Variants in SLC2A9 observed in about 807,000 individuals in gnomAD.
SLC2A9 encodes solute carrier family 2, facilitated glucose transporter member 9.
SLC2A9 carries 39 observed loss-of-function variants against 50.6 expected under a neutral mutation model. The observed-to-expected ratio is 0.77, with a 90% CI of 0.60 to 1.01. The LOEUF is 1.01. SLC2A9 is among the 50% of genes least tolerant of loss of function. SLC2A9 has a pLI of 0.00. For missense variants in SLC2A9, 686 were observed against 677.6 expected (o/e 1.01, Z -0.14); for synonymous variants, 324 against 276.9 (o/e 1.17, Z -1.69).
chr4:9,821,702 T>C (rs1724424033), downstream of SLC2A9, among the ~76,000 whole-genome samples: 1 of 151,718 alleles, frequency 6.6e-6, no homozygotes, highest in African/African-American at 2.4e-5. Context: ...GCAGTTTTAT[T>C]TTCTTGTACT....
intron 8 of SLC2A9, among the ~76,000 whole-genome samples, chr4:9,899,833 G>A (rs1739263964): frequency 6.6e-6 from 1 of 152,162 alleles, no homozygotes; most frequent in Non-Finnish European, 1.5e-5. Context: ...TGCCAACTGG[G>A]ATGGAAGGAA....
intron 6 of SLC2A9, among the ~76,000 whole-genome samples, chr4:9,925,042 T>C (rs1392632120): frequency 6.6e-6 from 1 of 152,194 alleles, no homozygotes; most frequent in African/African-American, 2.4e-5. Context: ...TCATCTGCCA[T>C]GCAGAGCCTC....
intron 5 of SLC2A9, among the ~76,000 whole-genome samples, chr4:9,973,447 C>T (rs1754244480): frequency 6.6e-6 from 1 of 151,982 alleles, no homozygotes. Context: ...TCTTTGAAAT[C>T]AGCATAACAC....
At chr4:10,032,731 A>G (rs1763974956) in intron 1 of SLC2A9, among the ~76,000 whole-genome samples, 1 of 152,094 alleles carries the variant, frequency 6.6e-6, no homozygotes, top group African/African-American at 2.4e-5. Flanking sequence ...AGCTACTGTC[A>G]TTACCCAGCC....
chr4:9,816,970 T>A (rs1723688058), intron 3 of SLC2A9, among the ~76,000 whole-genome samples: 1 of 152,176 alleles, frequency 6.6e-6, no homozygotes, highest in South Asian at 2.1e-4. Flanking sequence ...ATAATACATT[T>A]CTTTTCCTTT....
intron 2 of SLC2A9, among the ~76,000 whole-genome samples, chr4:9,998,280 A>G (rs1759101172): frequency 1.3e-5 from 2 of 152,190 alleles, no homozygotes; most frequent in South Asian, 4.1e-4. Context: ...CCAGTATATG[A>G]CACTGCAGAA....
At chr4:9,941,797 C>T in intron 6 of SLC2A9, 116 bp downstream of exon 6, 1 of 1,468,502 alleles carries the variant, frequency 6.8e-7, no homozygotes, top group Non-Finnish European at 9.3e-7. Context: ...CCAGTGCCTG[C>T]AAAAAGGAAC....
chr4:9,834,879 AC>A lies in SLC2A9; in HGVS notation c.1419+1del, dbSNP rs1560169255. 4 of 1,614,174 alleles carry A rather than the reference AC, an allele frequency of 2.5e-6. No homozygotes were observed. The highest frequency in any genetic ancestry group is 3.4e-6 in the Non-Finnish European group (4 of 1,180,026). On this transcript the variant is annotated splice_donor_variant, in intron 11 of 11. Transcript: ENST00000264784. LOFTEE classifies it high-confidence loss of function. ...GGGCAAAAGACTCCTTGTCAGTCAT[AC>A]CTGAATGAATGGGAAGAGGAGCCCA... is the stretch of plus-strand genomic sequence containing the variant.
At chr4:9,860,318 G>T (rs1281139313) in intron 10 of SLC2A9, among the ~76,000 whole-genome samples, 1 of 152,182 alleles carries the variant, frequency 6.6e-6, no homozygotes, top group African/African-American at 2.4e-5. Context: ...ACAGCCTCCT[G>T]CACACAGAAG....
intron 5 of SLC2A9, among the ~76,000 whole-genome samples, chr4:9,951,478 C>T (rs1284422321): frequency 3.3e-5 from 5 of 152,134 alleles, no homozygotes; most frequent in African/African-American, 1.2e-4. Flanking sequence ...AATATTCTGA[C>T]TCAATCACCA....
intron 1 of SLC2A9, among the ~76,000 whole-genome samples, chr4:9,773,425 G>T (rs868634195): frequency 6.6e-6 from 1 of 152,156 alleles, no homozygotes; most frequent in African/African-American, 2.4e-5. Context: ...AAACCCCACC[G>T]ATTTTCTTAT....
chr4:9,837,088 G>A (rs187132080), intron 10 of SLC2A9, among the ~76,000 whole-genome samples: 12 of 151,914 alleles, frequency 7.9e-5, no homozygotes, highest in East Asian at 3.9e-4. Context: ...GGAATGGAGC[G>A]TCCCCTCACC....
intron 10 of SLC2A9, among the ~76,000 whole-genome samples, chr4:9,875,544 C>T (rs1414705853): frequency 2.0e-5 from 3 of 152,340 alleles, no homozygotes; most frequent in East Asian, 3.9e-4. Flanking sequence ...CCCAGACACA[C>T]ATCTCCTCTG....
chr4:10,031,143 G>A (rs899013475), intron 1 of SLC2A9, among the ~76,000 whole-genome samples: 3 of 152,228 alleles, frequency 2.0e-5, no homozygotes, highest in African/African-American at 7.2e-5. Context: ...GGAATGCTCA[G>A]ATGAGCACGT....
intron 6 of SLC2A9, 28 bp downstream of exon 6, chr4:9,941,885 G>A (rs750414474): frequency 1.2e-6 from 2 of 1,613,616 alleles, no homozygotes; most frequent in Non-Finnish European, 8.5e-7. Context: ...AGGGGCTGGA[G>A]CTGTGCAGGA....
At chr4:9,814,974 T>A (rs1248212764) in intron 3 of SLC2A9, among the ~76,000 whole-genome samples, 1 of 151,412 alleles carries the variant, frequency 6.6e-6, no homozygotes, top group African/African-American at 2.4e-5. Context: ...CAGATCAGAG[T>A]CATCACTCTG....
intron 4 of SLC2A9, among the ~76,000 whole-genome samples, chr4:9,985,423 C>A (rs966961679): frequency 1.3e-5 from 2 of 152,166 alleles, no homozygotes; most frequent in Non-Finnish European, 2.9e-5. Context: ...TGAAGACCAT[C>A]CAGGTCTTTG....
At chr4:9,971,235 A>C (rs553090427) in intron 5 of SLC2A9, among the ~76,000 whole-genome samples, 1 of 152,254 alleles carries the variant, frequency 6.6e-6, no homozygotes, top group Admixed American at 6.5e-5. Context: ...TAATTAATTT[A>C]ATTTATTTAA....
rs188311840 is a variant in SLC2A9, at chr4:9,969,959, G to A, written c.681+10633C>T. On this transcript the variant is annotated intron_variant, in intron 5 of 11. Transcript: ENST00000264784. ...GACAAAATAGTGTGTAGAGACTCAC[G>A]CTATAATTTTTTTTCCAAGAAACAC... Among the ~76,000 whole-genome samples, 16 of 152,286 alleles carry A rather than the reference G, an allele frequency of 1.1e-4. No homozygotes were observed. In the East Asian group the frequency reaches 2.3e-3, roughly 22 times the overall value.
Sources: gnomAD v4.1 joint callset for allele counts (sites outside exome capture counted in the v4.1 genomes callset) on GRCh38, gnomAD v4.1.1 for gene constraint, MANE v1.5 for transcripts, NCBI Gene and HGNC (gene_info 2026-07-23, HGNC 2026-07-21) for gene names.